The following OSBPL10 variants were observed in gnomAD, a reference collection of about 807,000 sequenced individuals.
The protein encoded by OSBPL10 is oxysterol-binding protein-related protein 10.
Under a neutral mutation model 81.7 loss-of-function variants are expected in OSBPL10, and 49 were observed. That is an observed-to-expected ratio of 0.60 (90% CI 0.48 to 0.76). The LOEUF (loss-of-function observed/expected upper bound fraction) is 0.76. Among genes scored for constraint, OSBPL10 ranks in the 30% least tolerant of loss-of-function variants. The pLI, the probability that OSBPL10 is intolerant of heterozygous loss-of-function variation, is 0.00. For missense variants in OSBPL10, 923 were observed against 987.8 expected, an observed-to-expected ratio of 0.93 and a Z score of 0.88; for synonymous variants, 419 against 383.6, an observed-to-expected ratio of 1.09 and a Z score of -1.08.
chr3:31,756,945 T>C (rs753336330), intron 4 of OSBPL10, among the ~76,000 whole-genome samples: 12 of 152,238 alleles, frequency 7.9e-5, no homozygotes, highest in Non-Finnish European at 1.2e-4. Flanking sequence ...AACAGGCTTC[T>C]GAATGTATCA....
intron 4 of OSBPL10, among the ~76,000 whole-genome samples, chr3:31,760,051 C>A (rs1330761126): frequency 6.6e-6 from 1 of 152,312 alleles, no homozygotes; most frequent in Middle Eastern, 3.4e-3. Context: ...CGTGAGCCAC[C>A]ATGCCCGGCC....
At chr3:31,969,159 G>A (rs756406204) in intron 1 of OSBPL10, among the ~76,000 whole-genome samples, 1 of 152,170 alleles carries the variant, frequency 6.6e-6, no homozygotes, top group Non-Finnish European at 1.5e-5. Flanking sequence ...AGTACATTCC[G>A]CAAACGCATG....
chr3:31,809,376 T>C (rs1213796081), intron 4 of OSBPL10, among the ~76,000 whole-genome samples: 2 of 152,158 alleles, frequency 1.3e-5, no homozygotes, highest in Admixed American at 6.5e-5. Context: ...ACTTGGCAAT[T>C]AAAAGGAACA....
intron 6 of OSBPL10, among the ~76,000 whole-genome samples, chr3:31,706,915 C>T (rs1270218526): frequency 6.6e-6 from 1 of 152,180 alleles, no homozygotes; most frequent in Non-Finnish European, 1.5e-5. Context: ...GCACTTCACT[C>T]CTGCTTTCCC....
At chr3:31,793,083 A>G (rs140790588) in intron 4 of OSBPL10, among the ~76,000 whole-genome samples, 1 of 152,150 alleles carries the variant, frequency 6.6e-6, no homozygotes, top group East Asian at 1.9e-4. Flanking sequence ...AATTTAGCCC[A>G]TTTCCCCAGT....
At chr3:32,014,371 A>G (rs982665164) in intron 2 of OSBPL10, among the ~76,000 whole-genome samples, 1 of 152,228 alleles carries the variant, frequency 6.6e-6, no homozygotes, top group African/African-American at 2.4e-5. Flanking sequence ...TAGATGCAGA[A>G]AAGGCCTTTG....
intron 4 of OSBPL10, among the ~76,000 whole-genome samples, chr3:31,771,188 G>T (rs1423891189): frequency 4.6e-5 from 7 of 152,084 alleles, no homozygotes; most frequent in Non-Finnish European, 8.8e-5. Flanking sequence ...TTACCCTGAA[G>T]GTTAAATGAG....
In OSBPL10 at chr3:32,014,741, A is replaced by AG. The variant is rs534343009; in HGVS notation, n.298+31749dup. Reference sequence around the variant, plus strand: ...TCTCCATAAGCTGATAAGCAACTTCAGCAAAGTCTCATGATACAAAATCCA... The same window carrying AG: ...TCTCCATAAGCTGATAAGCAACTTCAGGCAAAGTCTCATGATACAAAATCCA... On this transcript the variant is annotated intron_variant and non_coding_transcript_variant, in intron 2 of 3. Transcript: ENST00000479173. 2.7e-3 allele frequency among the ~76,000 whole-genome samples: 410 copies of AG among 152,380 alleles called. 3 individuals carry two copies. Among genetic ancestry groups the AG allele is most frequent in the Non-Finnish European group, 5.0e-3 (343 of 68,046 alleles).
intron 2 of OSBPL10, among the ~76,000 whole-genome samples, chr3:31,996,140 T>C (rs772003136): frequency 2.6e-5 from 4 of 152,198 alleles, no homozygotes; most frequent in Non-Finnish European, 5.9e-5. Context: ...TGCAAAATAC[T>C]AGTCCTTCTG....
intron 1 of OSBPL10, among the ~76,000 whole-genome samples, chr3:31,896,523 T>C (rs1696062379): frequency 6.6e-6 from 1 of 152,110 alleles, no homozygotes; most frequent in South Asian, 2.1e-4. Context: ...TAAAGGGAGC[T>C]GAAGAGCAGA....
At chr3:32,020,807 G>C (rs1428012800) in intron 2 of OSBPL10, among the ~76,000 whole-genome samples, 1 of 152,176 alleles carries the variant, frequency 6.6e-6, no homozygotes, top group African/African-American at 2.4e-5. Flanking sequence ...AATGATGGCA[G>C]GAAATATGCA....
chr3:31,889,594 T>TA (rs530216346), intron 1 of OSBPL10, among the ~76,000 whole-genome samples: 207 of 144,450 alleles, frequency 1.4e-3, no homozygotes, highest in Middle Eastern at 3.6e-3. Context: ...TATGGAAACT[T>TA]AAAAAAAAAA....
chr3:31,812,114 G>A (rs1023817406), intron 4 of OSBPL10, among the ~76,000 whole-genome samples: 5 of 151,990 alleles, frequency 3.3e-5, no homozygotes, highest in African/African-American at 1.2e-4. Flanking sequence ...TGCAACCTCC[G>A]CCTGCCTCCC....
intron 3 of OSBPL10, among the ~76,000 whole-genome samples, chr3:31,873,813 C>T (rs1321759010): frequency 6.6e-6 from 1 of 152,156 alleles, no homozygotes; most frequent in Non-Finnish European, 1.5e-5. Flanking sequence ...TTGAGCCCAT[C>T]CTTGTTTTCA....
intron 8 of OSBPL10, among the ~76,000 whole-genome samples, chr3:31,678,800 GTGTGTGTGT>G (rs1411506952): frequency 6.8e-6 from 1 of 148,134 alleles, no homozygotes; most frequent in East Asian, 2.0e-4. Context: ...GTGTGTGTGT[GTGTGTGTGT>G]GTGTGTGTGT....
chr3:31,836,007 T>C (rs1013149876), intron 3 of OSBPL10, among the ~76,000 whole-genome samples: 2 of 152,212 alleles, frequency 1.3e-5, no homozygotes, highest in Non-Finnish European at 2.9e-5. Context: ...CTCATTTGCA[T>C]TGCTTTTTGT....
rs189583201 is a variant in OSBPL10 at position 31,990,920 on chromosome 3, G to T, written n.298+55571C>A. On this transcript the variant is annotated intron_variant and non_coding_transcript_variant, in intron 2 of 3. Coordinates refer to the OSBPL10 transcript ENST00000479173. ...CATTCACATCGCATTAGACATCAGAGAATCCATACCGGACAGAAATCTTAC... is the reference window on the plus strand; with the variant it reads ...CATTCACATCGCATTAGACATCAGATAATCCATACCGGACAGAAATCTTAC... 75 of 1,575,202 alleles carry T rather than the reference G, an allele frequency of 4.8e-5. No homozygotes were observed. The African/African-American group carries it at 9.6e-4, about 20-fold the overall frequency.
intron 2 of OSBPL10, chr3:32,030,498 C>A (rs1475015287): frequency 1.1e-5 from 8 of 711,484 alleles, no homozygotes; most frequent in Non-Finnish European, 2.1e-5. Context: ...ACTCTAAGGG[C>A]TGAGATCGCT....
At chr3:31,980,340 G>A (rs1029558894) in intron 1 of OSBPL10, among the ~76,000 whole-genome samples, 1 of 152,154 alleles carries the variant, frequency 6.6e-6, no homozygotes, top group Non-Finnish European at 1.5e-5. Context: ...TACAAACATC[G>A]GAGGCTGCAA....
Sources: allele counts gnomAD v4.1 joint callset (sites outside exome capture counted in the v4.1 genomes callset), GRCh38; gene constraint gnomAD v4.1.1; transcripts MANE v1.5; gene names NCBI Gene and HGNC (gene_info 2026-07-23, HGNC 2026-07-21).